The following RAPGEF2 variants were observed in gnomAD, a reference collection of about 807,000 sequenced individuals.
RAPGEF2 encodes PDZ domain containing guanine nucleotide exchange factor (GEF) 1.
Under a neutral mutation model 186.7 loss-of-function variants are expected in RAPGEF2, and 54 were observed. That is an observed-to-expected ratio of 0.29 (90% CI 0.23 to 0.36). The LOEUF (loss-of-function observed/expected upper bound fraction) is 0.36. Among genes scored for constraint, RAPGEF2 ranks in the 10% least tolerant of loss-of-function variants. RAPGEF2 has a pLI of 1.00. For synonymous variants in RAPGEF2, 712 were observed against 705.9 expected, an observed-to-expected ratio of 1.01 and a Z score of -0.14; for missense variants, 1,532 against 2,045.0, an observed-to-expected ratio of 0.75 and a Z score of 4.84.
chr4:159,232,428 A>G (rs557732647), intron 4 of RAPGEF2, among the ~76,000 whole-genome samples: 1 of 152,344 alleles, frequency 6.6e-6, no homozygotes, highest in African/African-American at 2.4e-5. Context: ...GATGTTTTCA[A>G]GGTTCATCCA....
intron 7 of RAPGEF2, among the ~76,000 whole-genome samples, chr4:159,285,250 C>T (rs1253632147): frequency 2.6e-5 from 4 of 152,058 alleles, no homozygotes; most frequent in South Asian, 2.1e-4. Flanking sequence ...AGATGTTGGC[C>T]TTCAAGTGAA....
At chr4:159,274,516 T>C (rs1347987088) in intron 7 of RAPGEF2, among the ~76,000 whole-genome samples, 1 of 152,196 alleles carries the variant, frequency 6.6e-6, no homozygotes, top group Non-Finnish European at 1.5e-5. Flanking sequence ...TGTATAAGTG[T>C]GTTTGTAATT....
intron 3 of RAPGEF2, among the ~76,000 whole-genome samples, chr4:159,195,904 T>TCC (rs1554008117): frequency 0.021 from 2,653 of 128,876 alleles, 41 homozygotes; most frequent in Middle Eastern, 0.075. Context: ...TTTTTTTTTT[T>TCC]CCCCAAGTAG....
chr4:159,233,875 A>C (rs905966872), intron 4 of RAPGEF2, among the ~76,000 whole-genome samples: 2 of 152,132 alleles, frequency 1.3e-5, no homozygotes, highest in Admixed American at 6.6e-5. Flanking sequence ...TCCCAATTCT[A>C]TCCTTTTGGC....
chr4:159,182,386 C>CTTTTTTTTTTTTTTTTTT (rs575743979), intron 1 of RAPGEF2, among the ~76,000 whole-genome samples: 3 of 85,674 alleles, frequency 3.5e-5, no homozygotes, highest in Admixed American at 1.5e-4. Context: ...TTCTTTTCTT[C>CTTTTTTTTTTTTTTTTTT]TTTTTTTTTT....
chr4:159,184,251 A>G (rs1747329368), intron 1 of RAPGEF2, among the ~76,000 whole-genome samples: 1 of 152,242 alleles, frequency 6.6e-6, no homozygotes, highest in African/African-American at 2.4e-5. Flanking sequence ...CTTTGGGTAT[A>G]TACCCAGTAA....
intron 8 of RAPGEF2, among the ~76,000 whole-genome samples, chr4:159,310,849 C>A (rs185416690): frequency 2.0e-5 from 3 of 152,054 alleles, no homozygotes; most frequent in African/African-American, 7.2e-5. Flanking sequence ...TAAAGACATG[C>A]GTGAGTCTTA....
At chr4:159,171,535 G>C (rs1215325800) in intron 1 of RAPGEF2, among the ~76,000 whole-genome samples, 2 of 152,040 alleles carry the variant, frequency 1.3e-5, no homozygotes, top group African/African-American at 4.8e-5. Context: ...GAGTATGCAG[G>C]GGAATTGCCT....
At chr4:159,187,935 ATATC>A (rs1426478011) in intron 2 of RAPGEF2, among the ~76,000 whole-genome samples, 1 of 152,206 alleles carries the variant, frequency 6.6e-6, no homozygotes, top group African/African-American at 2.4e-5. Flanking sequence ...ATTGAAAAGA[ATATC>A]AAGAGGATTG....
At chr4:159,245,427 T>G (rs1754518681) in intron 7 of RAPGEF2, among the ~76,000 whole-genome samples, 4 of 152,000 alleles carry the variant, frequency 2.6e-5, no homozygotes, top group Admixed American at 2.0e-4. Flanking sequence ...AGTGAGTAGA[T>G]TATAGAGACA....
chr4:159,306,819 A>G (rs1763356884), intron 8 of RAPGEF2, among the ~76,000 whole-genome samples: 1 of 152,200 alleles, frequency 6.6e-6, no homozygotes, highest in Admixed American at 6.5e-5. Context: ...GGAAGGGCCT[A>G]ATAAGACTGG....
intron 1 of RAPGEF2, among the ~76,000 whole-genome samples, chr4:159,177,269 A>T (rs1440952588): frequency 1.3e-5 from 2 of 150,952 alleles, no homozygotes; most frequent in African/African-American, 4.9e-5. Context: ...ATTAATTTGT[A>T]AAAATTCTGA....
chr4:159,107,066 A>AG (rs1289534351), intron 1 of RAPGEF2, among the ~76,000 whole-genome samples: 1 of 152,200 alleles, frequency 6.6e-6, no homozygotes, highest in Non-Finnish European at 1.5e-5. Flanking sequence ...TTGTGAGAGG[A>AG]GGAGGAAAAC....
At chr4:159,322,023 A>G (rs1765295178) in intron 9 of RAPGEF2, among the ~76,000 whole-genome samples, 2 of 151,974 alleles carry the variant, frequency 1.3e-5, no homozygotes, top group African/African-American at 2.4e-5. Flanking sequence ...TTTCATTTCC[A>G]CTCTCATAAT....
intron 3 of RAPGEF2, among the ~76,000 whole-genome samples, chr4:159,194,938 A>G (rs749008779): frequency 6.6e-6 from 1 of 152,168 alleles, no homozygotes; most frequent in Non-Finnish European, 1.5e-5. Context: ...AGACAGTTAC[A>G]GCCATCTGAG....
intron 9 of RAPGEF2, among the ~76,000 whole-genome samples, chr4:159,315,056 A>G (rs1579902318): frequency 6.6e-6 from 1 of 151,854 alleles, no homozygotes; most frequent in African/African-American, 2.4e-5. Context: ...AAAAGTTAAA[A>G]TGAGCCTTTC....
chr4:159,286,361 T>C (rs1172163374), intron 7 of RAPGEF2, among the ~76,000 whole-genome samples: 2 of 152,190 alleles, frequency 1.3e-5, no homozygotes, highest in Admixed American at 1.3e-4. Flanking sequence ...TTCCTAATGT[T>C]GTACTGTTCC....
intron 7 of RAPGEF2, among the ~76,000 whole-genome samples, chr4:159,250,798 TCG>T (rs1755238872): frequency 1.3e-5 from 2 of 149,560 alleles, no homozygotes; most frequent in Non-Finnish European, 3.0e-5. Context: ...TCTCGGCGCC[TCG>T]GCCTCGGCAT....
At chr4:159,235,344 A>G (rs1753134780) in intron 4 of RAPGEF2, among the ~76,000 whole-genome samples, 1 of 150,444 alleles carries the variant, frequency 6.6e-6, no homozygotes, top group Non-Finnish European at 1.5e-5. Context: ...GTTTTTATTA[A>G]TAACTTTTAA....
Sources: gnomAD v4.1 joint callset for allele counts (sites outside exome capture counted in the v4.1 genomes callset) on GRCh38, gnomAD v4.1.1 for gene constraint, MANE v1.5 for transcripts, NCBI Gene and HGNC (gene_info 2026-07-23, HGNC 2026-07-21) for gene names.